The following DENND5A variants were observed in gnomAD, a reference collection of about 807,000 sequenced individuals.
The protein encoded by DENND5A is DENN domain containing 5A.
Under a neutral mutation model 140.3 loss-of-function variants are expected in DENND5A, and 64 were observed. The ratio of observed to expected loss-of-function variants is 0.46; its 90% CI spans 0.37 to 0.56. DENND5A has a LOEUF of 0.56. Among genes scored for constraint, DENND5A ranks in the 20% least tolerant of loss-of-function variants. DENND5A has a pLI of 0.00. For missense variants in DENND5A, 1,292 were observed against 1,593.8 expected (o/e 0.81, Z 3.22); for synonymous variants, 605 against 607.7 (o/e 1.00, Z 0.07).
At chr11:9,166,020 G>T in intron 10 of DENND5A, 53 bp from the exon 11 acceptor site, 2 of 1,585,662 alleles carry the variant, frequency 1.3e-6, no homozygotes, top group Non-Finnish European at 1.7e-6. Flanking sequence ...ATAAACCAAA[G>T]GTCAGCAGTA....
intron 12 of DENND5A, among the ~76,000 whole-genome samples, chr11:9,157,600 T>C (rs1220346943): frequency 6.6e-6 from 1 of 152,226 alleles, no homozygotes; most frequent in Non-Finnish European, 1.5e-5. Context: ...TTTCTGTTCC[T>C]ATATGAGTTC....
At chr11:9,245,742 T>TC (rs1851445677) in intron 1 of DENND5A, among the ~76,000 whole-genome samples, 1 of 151,966 alleles carries the variant, frequency 6.6e-6, no homozygotes, top group Non-Finnish European at 1.5e-5. Flanking sequence ...CAAGTGATTC[T>TC]CCTGCCTCAG....
At chr11:9,244,555 G>A (rs1851382355) in intron 1 of DENND5A, among the ~76,000 whole-genome samples, 1 of 152,048 alleles carries the variant, frequency 6.6e-6, no homozygotes, top group Non-Finnish European at 1.5e-5. Flanking sequence ...TTTTAGTAGA[G>A]ACCGGGTTTC....
chr11:9,255,119 G>C (rs1245232480), intron 1 of DENND5A, among the ~76,000 whole-genome samples: 2 of 152,002 alleles, frequency 1.3e-5, no homozygotes, highest in Non-Finnish European at 2.9e-5. Context: ...AAAAATCTTT[G>C]TCTTCTAGGA....
intron 1 of DENND5A, among the ~76,000 whole-genome samples, chr11:9,262,732 T>A (rs1449292510): frequency 1.0e-5 from 1 of 99,680 alleles, no homozygotes; most frequent in Non-Finnish European, 2.0e-5. Context: ...TAGGTACTCA[T>A]CAAAATAATT....
intron 1 of DENND5A, among the ~76,000 whole-genome samples, chr11:9,255,860 G>A (rs1192868173): frequency 3.5e-5 from 5 of 143,756 alleles, no homozygotes; most frequent in African/African-American, 1.0e-4. Flanking sequence ...GTGAGACTCC[G>A]TCTAAAAAAA....
chr11:9,201,806 TA>T (rs933498586), intron 4 of DENND5A, among the ~76,000 whole-genome samples: 11 of 147,792 alleles, frequency 7.4e-5, no homozygotes, highest in South Asian at 2.1e-4. Flanking sequence ...AAATAAAAAC[TA>T]AAAAAAAAAT....
intron 5 of DENND5A, among the ~76,000 whole-genome samples, chr11:9,182,875 T>C (rs146892400): frequency 6.6e-6 from 1 of 152,274 alleles, no homozygotes; most frequent in African/African-American, 2.4e-5. Flanking sequence ...CAAACATTTG[T>C]TGTATTTTTT....
In DENND5A at chr11:9,185,844, G is replaced by C. The variant is rs1471653591; in HGVS notation, c.1138-4760C>G. 3.3e-5 allele frequency among the ~76,000 whole-genome samples: 5 copies of C among 151,902 alleles called. No individual in the cohort carries two copies. In the Middle Eastern group the frequency reaches 0.01, roughly 310 times the overall value. On this transcript the variant is annotated intron_variant, in intron 5 of 22. Coordinates refer to ENST00000328194, the MANE Select transcript of DENND5A (RefSeq NM_015213.4). ...GAGCTGTCTGTAAATTTGTGTGTGT[G>C]TATCTGTGTCTGTGTTGTCTGTGTG...
At chr11:9,223,978 G>A (rs1850427711) in intron 1 of DENND5A, among the ~76,000 whole-genome samples, 1 of 151,950 alleles carries the variant, frequency 6.6e-6, no homozygotes, top group Admixed American at 6.5e-5. Context: ...GATCACCTGA[G>A]GTCAGGAGTT....
At chr11:9,228,724 A>G (rs529788057) in intron 1 of DENND5A, among the ~76,000 whole-genome samples, 1 of 152,010 alleles carries the variant, frequency 6.6e-6, no homozygotes, top group Admixed American at 6.6e-5. Context: ...GTCTCAAAAA[A>G]AAAAAAAACA....
chr11:9,204,465 C>T, intron 3 of DENND5A, 148 bp from the exon 4 acceptor site: 2 of 726,502 alleles, frequency 2.8e-6, no homozygotes, highest in Non-Finnish European at 2.2e-6. Context: ...GCAAGACATG[C>T]AAGTAAATAA....
At chr11:9,260,055 G>C (rs898454625) in intron 1 of DENND5A, among the ~76,000 whole-genome samples, 2 of 148,962 alleles carry the variant, frequency 1.3e-5, no homozygotes, top group South Asian at 4.2e-4. Context: ...AAAAAAGAGA[G>C]AGACTATTTC....
At chr11:9,251,860 GC>G (rs1373483483) in intron 1 of DENND5A, among the ~76,000 whole-genome samples, 1 of 151,782 alleles carries the variant, frequency 6.6e-6, no homozygotes, top group Non-Finnish European at 1.5e-5. Context: ...GTGGTGGCAG[GC>G]CCCTGCAGTC....
chr11:9,207,277 T>G, intron 2 of DENND5A: 2 of 495,358 alleles, frequency 4.0e-6, no homozygotes, highest in South Asian at 4.2e-5. Flanking sequence ...GTAAATCTAA[T>G]GAGATATTCT....
intron 1 of DENND5A, among the ~76,000 whole-genome samples, chr11:9,216,548 C>A (rs1850100633): frequency 6.6e-6 from 1 of 152,202 alleles, no homozygotes; most frequent in Admixed American, 6.5e-5. Flanking sequence ...AGCTCAGGAA[C>A]TTATAGCATT....
At chr11:9,255,960 T>C (rs1384284241) in intron 1 of DENND5A, among the ~76,000 whole-genome samples, 6 of 144,278 alleles carry the variant, frequency 4.2e-5, no homozygotes, top group Non-Finnish European at 9.0e-5. Context: ...CGGGAGGCAG[T>C]GGTTGCAGTA....
At chr11:9,179,577 G>A (rs1030502515) in intron 6 of DENND5A, among the ~76,000 whole-genome samples, 4 of 145,760 alleles carry the variant, frequency 2.7e-5, no homozygotes, top group Non-Finnish European at 5.9e-5. Context: ...TCGGCTCACC[G>A]CAACCTCTGC....
intron 11 of DENND5A, 151 bp from the exon 12 acceptor site, chr11:9,161,016 T>C (rs550271794): frequency 2.0e-5 from 15 of 766,006 alleles, no homozygotes; most frequent in African/African-American, 1.6e-4. Flanking sequence ...TTTATACCCA[T>C]GTAGGTCAGG....
Sources: allele counts gnomAD v4.1 joint callset (sites outside exome capture counted in the v4.1 genomes callset), GRCh38; gene constraint gnomAD v4.1.1; transcripts MANE v1.5; gene names NCBI Gene and HGNC (gene_info 2026-07-23, HGNC 2026-07-21).